Variants in FKBP9 observed in about 807,000 individuals in gnomAD.
The protein encoded by FKBP9 is peptidyl-prolyl cis-trans isomerase FKBP9.
Under a neutral mutation model 55.6 loss-of-function variants are expected in FKBP9, and 27 were observed. The ratio of observed to expected loss-of-function variants is 0.49; its 90% confidence interval spans 0.36 to 0.67. The LOEUF (loss-of-function observed/expected upper bound fraction) is 0.67. Among genes scored for constraint, FKBP9 ranks in the 30% least tolerant of loss-of-function variants. The pLI is 0.00. For missense variants in FKBP9, 539 were observed against 742.8 expected (o/e 0.73, Z 3.19); for synonymous variants, 267 against 296.5 (o/e 0.90, Z 1.02).
At chr7:32,963,928 G>C (rs1784079723) in intron 1 of FKBP9, among the ~76,000 whole-genome samples, 1 of 152,240 alleles carries the variant, frequency 6.6e-6, no homozygotes, top group African/African-American at 2.4e-5. Context: ...ATGGTCCTAA[G>C]TGGGGGCCCA....
chr7:32,986,702 G>A (rs193257726), intron 5 of FKBP9, among the ~76,000 whole-genome samples: 63 of 152,350 alleles, frequency 4.1e-4, no homozygotes, highest in African/African-American at 1.5e-3. Context: ...TGTGGTCTTT[G>A]AGGGGTATTG....
intron 6 of FKBP9, among the ~76,000 whole-genome samples, chr7:32,995,794 A>G (rs1190939663): frequency 2.6e-5 from 4 of 152,148 alleles, no homozygotes; most frequent in East Asian, 1.9e-4. Flanking sequence ...TCCAGTGGGC[A>G]AGGGGCAAGT....
chr7:32,961,535 A>G (rs1477403287), intron 1 of FKBP9, among the ~76,000 whole-genome samples: 2 of 152,210 alleles, frequency 1.3e-5, no homozygotes, highest in Admixed American at 1.3e-4. Context: ...ATTTACAAAA[A>G]TAAATAAATA....
rs528755990 is a variant in FKBP9 at position 32,984,243 on chromosome 7, T to C, written c.893+3690T>C. On this transcript the variant is annotated intron_variant, in intron 5 of 9. Coordinates refer to ENST00000242209, the MANE Select transcript of FKBP9 (RefSeq NM_007270.5). ...TTTATTTTCAAAAGTAATATGTTCT[T>C]TTTTTTTTGAGACAGAGTCTCACTC... is the stretch of plus-strand genomic sequence containing the variant. 6.7e-5 allele frequency among the ~76,000 whole-genome samples: 10 copies of C among 149,062 alleles called. No homozygotes were observed. The East Asian group carries it at 1.9e-3, about 29-fold the overall frequency.
chr7:32,971,161 C>A (rs1021775728), intron 1 of FKBP9, among the ~76,000 whole-genome samples: 1 of 151,954 alleles, frequency 6.6e-6, no homozygotes, highest in Non-Finnish European at 1.5e-5. Flanking sequence ...CCAGAGTGTG[C>A]AGAAGTAATT....
At chr7:32,964,947 T>C (rs1186482994) in intron 1 of FKBP9, among the ~76,000 whole-genome samples, 1 of 152,092 alleles carries the variant, frequency 6.6e-6, no homozygotes, top group Admixed American at 6.6e-5. Flanking sequence ...TTCAGTCCCA[T>C]TCGTGAAGGG....
intron 1 of FKBP9, among the ~76,000 whole-genome samples, chr7:32,965,806 A>G (rs1280347049): frequency 3.7e-5 from 1 of 26,930 alleles, no homozygotes; most frequent in Non-Finnish European, 7.4e-5. Flanking sequence ...TCAAAAAAAA[A>G]AAAAAAATAT....
chr7:32,965,812 A>ATATAT (rs1554284288), intron 1 of FKBP9, among the ~76,000 whole-genome samples: 2 of 34,942 alleles, frequency 5.7e-5, no homozygotes, highest in South Asian at 1.2e-3. Context: ...AAAAAAAAAA[A>ATATAT]ATATATATAT....
At chr7:32,959,369 A>C (rs960476265) in intron 1 of FKBP9, among the ~76,000 whole-genome samples, 1 of 152,358 alleles carries the variant, frequency 6.6e-6, no homozygotes, top group Admixed American at 6.5e-5. Context: ...GTGCCACTGC[A>C]CTCCAACCTG....
intron 1 of FKBP9, among the ~76,000 whole-genome samples, chr7:32,972,142 A>G (rs1345995809): frequency 6.6e-6 from 1 of 152,148 alleles, no homozygotes; most frequent in African/African-American, 2.4e-5. Context: ...GCTTAGTGGC[A>G]GGGCGAGTCC....
intron 8 of FKBP9, among the ~76,000 whole-genome samples, chr7:33,001,449 C>T (rs1313031067): frequency 6.6e-6 from 1 of 151,774 alleles, no homozygotes; most frequent in African/African-American, 2.4e-5. Context: ...GCAGGAGAAT[C>T]GTGTGAACCC....
chr7:32,972,126 A>G (rs1386136006), intron 1 of FKBP9, among the ~76,000 whole-genome samples: 1 of 152,008 alleles, frequency 6.6e-6, no homozygotes, highest in African/African-American at 2.4e-5. Flanking sequence ...TGCCAGTTTG[A>G]TGATAGCTTA....
chr7:32,996,504 G>C (rs1784789910), intron 7 of FKBP9, among the ~76,000 whole-genome samples, 155 bp downstream of exon 7: 1 of 152,108 alleles, frequency 6.6e-6, no homozygotes, highest in African/African-American at 2.4e-5. Context: ...CAGGTGCATT[G>C]TGTTAAGAGT....
intron 4 of FKBP9, chr7:32,979,482 G>T (rs1200980443): frequency 6.5e-7 from 1 of 1,543,280 alleles, no homozygotes; most frequent in Non-Finnish European, 8.8e-7. Context: ...GGAAGGAGAT[G>T]CAGGGTGGGC....
intron 1 of FKBP9, among the ~76,000 whole-genome samples, chr7:32,972,411 A>G (rs897462293): frequency 6.6e-6 from 1 of 152,160 alleles, no homozygotes; most frequent in African/African-American, 2.4e-5. Flanking sequence ...GGGAGTGGTG[A>G]GGTGGACTCT....
rs1784220404 is a variant in FKBP9 at position 32,969,912 on chromosome 7, A to G, written c.222-4705A>G. ...CAGCTACTCAGGAGGCCGAGGCAGA[A>G]TTGCTTGAACCCGGGAGGCAGAAGT... On this transcript the variant is annotated intron_variant, in intron 1 of 9. Transcript: ENST00000242209. 2.0e-5 allele frequency among the ~76,000 whole-genome samples: 3 copies of G among 152,154 alleles called. No individual in the cohort carries two copies. In the South Asian group the frequency reaches 6.2e-4, roughly 32 times the overall value.
intron 5 of FKBP9, among the ~76,000 whole-genome samples, chr7:32,982,363 A>G (rs1191722824): frequency 2.6e-5 from 4 of 152,156 alleles, no homozygotes; most frequent in Non-Finnish European, 5.9e-5. Flanking sequence ...GCAAACACAA[A>G]TGTTATTTTC....
At chr7:32,965,054 A>G (rs1448406372) in intron 1 of FKBP9, among the ~76,000 whole-genome samples, 1 of 152,238 alleles carries the variant, frequency 6.6e-6, no homozygotes, top group Non-Finnish European at 1.5e-5. Flanking sequence ...GAGGCCCCCA[A>G]AGGGTAGTTC....
intron 1 of FKBP9, 146 bp from the exon 2 acceptor site, chr7:32,974,471 T>C: frequency 1.6e-6 from 1 of 622,048 alleles, no homozygotes; most frequent in Non-Finnish European, 2.9e-6. Context: ...CCAGTGGAGA[T>C]GTTCCTGTAT....
Sources: gnomAD v4.1 joint callset for allele counts (sites outside exome capture counted in the v4.1 genomes callset) on GRCh38, gnomAD v4.1.1 for gene constraint, MANE v1.5 for transcripts, NCBI Gene and HGNC (gene_info 2026-07-23, HGNC 2026-07-21) for gene names.